COL5A2: variants seen among roughly 807,000 people sequenced by gnomAD.
COL5A2 encodes the protein collagen alpha-2(V) chain.
A neutral mutation model predicts 208.2 loss-of-function variants in COL5A2; 23 were observed. The ratio of observed to expected loss-of-function variants is 0.11; its 90% CI spans 0.08 to 0.16. The LOEUF is 0.16. COL5A2 is among the 10% of genes least tolerant of loss of function. COL5A2 has a pLI of 1.00. For synonymous variants in COL5A2, 625 were observed against 628.5 expected (o/e 0.99, Z 0.08); for missense variants, 1,590 against 1,956.4 (o/e 0.81, Z 3.53).
the COL5A2 span, among the ~76,000 whole-genome samples, chr2:189,276,628 T>G: frequency 4.1e-4 from 62 of 152,296 alleles, 1 homozygote; most frequent in African/African-American, 1.2e-3. Flanking sequence ...ATTACATAAG[T>G]TTGACTCACT....
chr2:189,235,185 G>A, the COL5A2 span, among the ~76,000 whole-genome samples: 3 of 151,570 alleles, frequency 2.0e-5, no homozygotes, highest in Non-Finnish European at 2.9e-5. Context: ...GGAGAGGGCA[G>A]GGCTACATAC....
At chr2:189,092,053 C>A (rs1686798374) in intron 7 of COL5A2, among the ~76,000 whole-genome samples, 1 of 152,070 alleles carries the variant, frequency 6.6e-6, no homozygotes, top group Admixed American at 6.6e-5. Flanking sequence ...ATAGAAAAAA[C>A]AAAGCACATA....
chr2:189,269,289 A>G, the COL5A2 span, among the ~76,000 whole-genome samples: 1 of 151,812 alleles, frequency 6.6e-6, no homozygotes, highest in Admixed American at 6.6e-5. Context: ...AACTTCCAAT[A>G]CTATATTGGG....
chr2:189,077,112 A>G (rs982378995), intron 16 of COL5A2, among the ~76,000 whole-genome samples: 8 of 152,102 alleles, frequency 5.3e-5, no homozygotes, highest in Non-Finnish European at 8.8e-5. Context: ...AGGTCCATCT[A>G]AAGTCACTTG....
chr2:189,290,043 T>A, the COL5A2 span, among the ~76,000 whole-genome samples: 1 of 152,056 alleles, frequency 6.6e-6, no homozygotes, highest in African/African-American at 2.4e-5. Context: ...GCAAAAAGAA[T>A]GAAATTGGAG....
At chr2:189,128,344 C>T (rs1368253525) in intron 1 of COL5A2, among the ~76,000 whole-genome samples, 8 of 151,988 alleles carry the variant, frequency 5.3e-5, no homozygotes, top group African/African-American at 1.9e-4. Context: ...TCCAAAGCTT[C>T]AGGTTATTTT....
At chr2:189,117,803 T>C (rs1256237989) in intron 1 of COL5A2, among the ~76,000 whole-genome samples, 1 of 152,060 alleles carries the variant, frequency 6.6e-6, no homozygotes, top group Non-Finnish European at 1.5e-5. Context: ...ATTATGTTTA[T>C]TGTTTGTCAC....
At chr2:189,098,847 A>C in intron 4 of COL5A2, 88 bp from the exon 5 acceptor site, 2 of 930,694 alleles carry the variant, frequency 2.1e-6, no homozygotes. Context: ...TAACAACAAA[A>C]ACCACAGTAA....
upstream of COL5A2, among the ~76,000 whole-genome samples, chr2:189,184,016 A>G (rs1688815753): frequency 6.6e-6 from 1 of 152,222 alleles, no homozygotes; most frequent in Non-Finnish European, 1.5e-5. Context: ...GAAGGCACTA[A>G]GGATACATAG....
intron 1 of COL5A2, among the ~76,000 whole-genome samples, chr2:189,163,190 C>T (rs1688402745): frequency 1.3e-5 from 2 of 152,014 alleles, no homozygotes; most frequent in South Asian, 2.1e-4. Flanking sequence ...CCTTCTTTTC[C>T]TCATTATTAT....
the COL5A2 span, among the ~76,000 whole-genome samples, chr2:189,436,879 A>G: frequency 6.6e-6 from 1 of 152,192 alleles, no homozygotes; most frequent in Admixed American, 6.5e-5. Flanking sequence ...GGAGAGCATC[A>G]GGAAGAATAG....
chr2:189,097,214 A>C, intron 6 of COL5A2, 63 bp downstream of exon 6: 6 of 1,511,826 alleles, frequency 4.0e-6, no homozygotes, highest in African/African-American at 1.4e-5. Flanking sequence ...TGCTGCATTC[A>C]GAGAACACAG....
chr2:189,191,706 T>G (rs1688933299), intron 1 of COL5A2, among the ~76,000 whole-genome samples: 1 of 152,146 alleles, frequency 6.6e-6, no homozygotes, highest in Admixed American at 6.6e-5. Context: ...AACAATACTT[T>G]CATCTTTTAT....
the COL5A2 span, among the ~76,000 whole-genome samples, chr2:189,323,331 C>G: frequency 3.9e-5 from 6 of 152,036 alleles, no homozygotes; most frequent in Non-Finnish European, 8.8e-5. Context: ...GGCAATGAGG[C>G]AGGAGAAGGA....
intron 1 of COL5A2, among the ~76,000 whole-genome samples, chr2:189,130,004 C>A (rs1559117599): frequency 6.6e-6 from 1 of 152,024 alleles, no homozygotes; most frequent in Non-Finnish European, 1.5e-5. Flanking sequence ...GGCCATAGAA[C>A]TAAAATCTTT....
chr2:189,233,153 A>G, the COL5A2 span, among the ~76,000 whole-genome samples: 3 of 151,702 alleles, frequency 2.0e-5, no homozygotes, highest in Non-Finnish European at 2.9e-5. Flanking sequence ...CAGCACCATC[A>G]ATACATATGG....
chr2:189,400,536 T>TA, the COL5A2 span, among the ~76,000 whole-genome samples: 4 of 152,192 alleles, frequency 2.6e-5, no homozygotes, highest in African/African-American at 9.7e-5. Flanking sequence ...GACGACTAAT[T>TA]AGAGTTATTA....
intron 1 of COL5A2, among the ~76,000 whole-genome samples, chr2:189,166,221 C>G (rs1015507454): frequency 2.0e-5 from 3 of 152,164 alleles, no homozygotes; most frequent in Admixed American, 6.5e-5. Context: ...TCTTGCTGCT[C>G]TCCATACCCT....
chr2:189,173,045 A>C (rs1211038807), intron 1 of COL5A2, among the ~76,000 whole-genome samples: 1 of 135,782 alleles, frequency 7.4e-6, no homozygotes, highest in Non-Finnish European at 1.5e-5. Flanking sequence ...ATCTCTGCTC[A>C]CTGCAGCCTC....
Sources: allele counts gnomAD v4.1 joint callset (sites outside exome capture counted in the v4.1 genomes callset), GRCh38; gene constraint gnomAD v4.1.1; transcripts MANE v1.5; gene names NCBI Gene and HGNC (gene_info 2026-07-23, HGNC 2026-07-21).